Variants in CNTN5 observed in about 807,000 individuals in gnomAD.
CNTN5 encodes contactin-5.
CNTN5 carries 77 observed loss-of-function variants against 129.1 expected under a neutral mutation model. The ratio of observed to expected loss-of-function variants is 0.60; its 90% CI spans 0.50 to 0.72. CNTN5 has a LOEUF of 0.72. CNTN5 is among the 30% of genes least tolerant of loss of function. The pLI, the probability that CNTN5 is intolerant of heterozygous loss-of-function variation, is 0.00. For synonymous variants in CNTN5, 509 were observed against 465.6 expected (o/e 1.09, Z -1.20); for missense variants, 1,478 against 1,328.8 (o/e 1.11, Z -1.75).
chr11:99,756,605 G>C (rs1944411715), intron 3 of CNTN5, among the ~76,000 whole-genome samples: 1 of 152,040 alleles, frequency 6.6e-6, no homozygotes, highest in Admixed American at 6.6e-5. Flanking sequence ...ATGATTGCCA[G>C]ACTTGCTGTG....
intron 3 of CNTN5, among the ~76,000 whole-genome samples, chr11:99,761,551 T>A (rs1490968631): frequency 6.6e-6 from 1 of 151,884 alleles, no homozygotes; most frequent in Non-Finnish European, 1.5e-5. Context: ...TTACTGAGAA[T>A]GATGATTTCC....
intron 1 of CNTN5, among the ~76,000 whole-genome samples, chr11:99,313,704 T>A (rs1445836819): frequency 6.6e-6 from 1 of 152,148 alleles, no homozygotes; most frequent in Non-Finnish European, 1.5e-5. Context: ...TATTTAGTAA[T>A]AATTATTTCA....
chr11:99,916,048 T>C lies in CNTN5; in HGVS notation c.578-6T>C. 6.2e-7 allele frequency: 1 copy of C among 1,608,400 alleles called. No homozygotes were observed. The highest frequency in any genetic ancestry group is 8.5e-7 in the Non-Finnish European group (1 of 1,176,428). ...CTTGGATCTAAATGTTTTATTATGT[T>C]GACAGATCTGGGAAATTTTAGTGGC... On this transcript the variant is annotated splice_polypyrimidine_tract_variant and splice_region_variant and intron_variant, in intron 6 of 24. Transcript: ENST00000524871.
At chr11:99,289,859 T>C (rs1864095102) in intron 1 of CNTN5, among the ~76,000 whole-genome samples, 1 of 151,846 alleles carries the variant, frequency 6.6e-6, no homozygotes, top group African/African-American at 2.4e-5. Context: ...AGACTATGAA[T>C]GGGATAGCTC....
chr11:99,186,100 T>G lies in CNTN5; in HGVS notation c.-209-139246T>G, dbSNP rs1360558011. Among the ~76,000 whole-genome samples, 3 of 152,042 alleles carry G rather than the reference T, an allele frequency of 2.0e-5. No homozygotes were observed. In the East Asian group the frequency reaches 5.8e-4, roughly 29 times the overall value. ...AACAGATGGGAGAAAATAGAAATTT[T>G]TCTTAGAGATAATTATATAAAAATA... On this transcript the variant is annotated intron_variant, in intron 1 of 24. Coordinates refer to ENST00000524871, the MANE Select transcript of CNTN5 (RefSeq NM_014361.4).
intron 2 of CNTN5, among the ~76,000 whole-genome samples, chr11:99,344,629 A>G (rs893793273): frequency 3.3e-5 from 5 of 152,218 alleles, no homozygotes; most frequent in African/African-American, 9.6e-5. Context: ...GAGCAAAATA[A>G]GTAAATAGAA....
At chr11:99,547,040 G>C (rs1229559312) in intron 2 of CNTN5, among the ~76,000 whole-genome samples, 3 of 104,566 alleles carry the variant, frequency 2.9e-5, no homozygotes, top group Non-Finnish European at 5.6e-5. Context: ...TTTTGCCCTT[G>C]TTGTCCAGGC....
intron 8 of CNTN5, among the ~76,000 whole-genome samples, chr11:99,973,382 G>T (rs114905350): frequency 1.6e-3 from 250 of 152,040 alleles, no homozygotes; most frequent in African/African-American, 5.5e-3. Context: ...TTTGGGAGGG[G>T]TATTCTCATA....
rs868385527 is a variant in CNTN5, at chr11:99,279,933, G to C, written c.-209-45413G>C. On this transcript the variant is annotated intron_variant, in intron 1 of 24. Coordinates refer to ENST00000524871, the MANE Select transcript of CNTN5 (RefSeq NM_014361.4). ...ATGTCTGCGTCATGGGGAAAGAGGGGGAGACACAATCTGAGGTTTCTAGGC... is the reference window on the plus strand; with the variant it reads ...ATGTCTGCGTCATGGGGAAAGAGGGCGAGACACAATCTGAGGTTTCTAGGC... Among the ~76,000 whole-genome samples, 11 of 150,980 alleles carry C rather than the reference G, an allele frequency of 7.3e-5. No individual in the cohort carries two copies. In the South Asian group the frequency reaches 1.3e-3, roughly 17 times the overall value.
At chr11:99,812,748 A>G (rs1946467332) in intron 3 of CNTN5, among the ~76,000 whole-genome samples, 1 of 152,150 alleles carries the variant, frequency 6.6e-6, no homozygotes, top group African/African-American at 2.4e-5. Flanking sequence ...AATTTCATTC[A>G]GTAAAATGCG....
At chr11:99,905,764 A>G (rs933605934) in intron 6 of CNTN5, among the ~76,000 whole-genome samples, 4 of 152,126 alleles carry the variant, frequency 2.6e-5, no homozygotes, top group Non-Finnish European at 5.9e-5. Flanking sequence ...GATTCTTCCT[A>G]TCCATGAGCA....
At chr11:99,755,861 A>T (rs541300002) in intron 3 of CNTN5, among the ~76,000 whole-genome samples, 4 of 152,270 alleles carry the variant, frequency 2.6e-5, no homozygotes, top group South Asian at 4.1e-4. Flanking sequence ...TTTTAATATT[A>T]AAACCTATCA....
chr11:100,208,847 T>C (rs943688388), intron 15 of CNTN5, among the ~76,000 whole-genome samples: 1 of 152,202 alleles, frequency 6.6e-6, no homozygotes. Context: ...GAGTGACTGC[T>C]GGTGGTCTCA....
intron 1 of CNTN5, among the ~76,000 whole-genome samples, chr11:99,316,520 A>T (rs1865348292): frequency 6.6e-6 from 1 of 152,114 alleles, no homozygotes; most frequent in South Asian, 2.1e-4. Context: ...ATAAACATTT[A>T]GGTGTTGTAT....
chr11:100,152,741 T>A (rs1399110766), intron 13 of CNTN5, among the ~76,000 whole-genome samples: 2 of 152,160 alleles, frequency 1.3e-5, no homozygotes, highest in African/African-American at 2.4e-5. Context: ...TGTTAACTCA[T>A]TATTAATGAT....
At chr11:99,458,390 A>G (rs1944569473) in intron 2 of CNTN5, among the ~76,000 whole-genome samples, 1 of 152,026 alleles carries the variant, frequency 6.6e-6, no homozygotes, top group African/African-American at 2.4e-5. Context: ...CAATCAGATT[A>G]CACTCAGGGC....
chr11:99,574,718 G>C (rs1461375932), intron 3 of CNTN5, among the ~76,000 whole-genome samples: 4 of 151,992 alleles, frequency 2.6e-5, no homozygotes, highest in Admixed American at 1.3e-4. Context: ...CTTTTGAGAA[G>C]TGTCTGTTTA....
chr11:99,999,353 A>AACAG (rs1939695442), intron 8 of CNTN5, among the ~76,000 whole-genome samples: 1 of 152,234 alleles, frequency 6.6e-6, no homozygotes, highest in African/African-American at 2.4e-5. Flanking sequence ...GAAGGACATG[A>AACAG]ACAGACACTT....
At chr11:99,514,298 T>A (rs1946960078) in intron 2 of CNTN5, among the ~76,000 whole-genome samples, 1 of 152,096 alleles carries the variant, frequency 6.6e-6, no homozygotes, top group Admixed American at 6.6e-5. Context: ...CTACTCCTGA[T>A]AAAGATGCTG....
Sources: gnomAD v4.1 joint callset for allele counts (sites outside exome capture counted in the v4.1 genomes callset) on GRCh38, gnomAD v4.1.1 for gene constraint, MANE v1.5 for transcripts, NCBI Gene and HGNC (gene_info 2026-07-23, HGNC 2026-07-21) for gene names.